The following PLPBP variants were observed in gnomAD, a reference collection of about 807,000 sequenced individuals.
PLPBP encodes the protein pyridoxal phosphate binding protein.
A neutral mutation model predicts 31.2 loss-of-function variants in PLPBP; 21 were observed. The ratio of observed to expected loss-of-function variants is 0.67; its 90% CI spans 0.48 to 0.97. The LOEUF (loss-of-function observed/expected upper bound fraction) is 0.97. PLPBP is among the 50% of genes least tolerant of loss of function. PLPBP has a pLI of 0.00. For synonymous variants in PLPBP, 124 were observed against 135.6 expected (o/e 0.91, Z 0.59); for missense variants, 308 against 354.4 (o/e 0.87, Z 1.05).
At chr8:37,767,003 C>T (rs983129388) in intron 4 of PLPBP, among the ~76,000 whole-genome samples, 3 of 140,062 alleles carry the variant, frequency 2.1e-5, no homozygotes, top group Non-Finnish European at 3.0e-5. Context: ...TCCAAGATCA[C>T]GCCACTGCAC....
At chr8:37,772,603 C>A in intron 4 of PLPBP, 152 bp from the exon 5 acceptor site, 1 of 899,884 alleles carries the variant, frequency 1.1e-6, no homozygotes, top group Non-Finnish European at 1.7e-6. Context: ...TCTAGTAAAA[C>A]TGTCACATTT....
At chr8:37,774,782 G>A (rs189722289) in intron 5 of PLPBP, among the ~76,000 whole-genome samples, 1 of 152,220 alleles carries the variant, frequency 6.6e-6, no homozygotes, top group East Asian at 1.9e-4. Flanking sequence ...TAGTATCTCC[G>A]CCTAATAAAT....
At chr8:37,766,725 A>C in intron 4 of PLPBP, 1 of 806,642 alleles carries the variant, frequency 1.2e-6, no homozygotes, top group Non-Finnish European at 1.5e-6. Context: ...CAGTAAAGTA[A>C]GTATAGTAAA....
chr8:37,762,579 C>A (rs570158784), upstream of PLPBP: 26 of 1,509,266 alleles, frequency 1.7e-5, no homozygotes, highest in Non-Finnish European at 2.2e-5. Context: ...TTGGTTCACA[C>A]GGCGCAAGCT....
At chr8:37,773,827 AT>A (rs1803838218) in intron 5 of PLPBP, among the ~76,000 whole-genome samples, 2 of 152,082 alleles carry the variant, frequency 1.3e-5, no homozygotes, top group East Asian at 1.9e-4. Context: ...TACAAGGAGT[AT>A]TTTAAATTTT....
At chr8:37,777,860 C>CA (rs1175403365) in intron 7 of PLPBP, 113 bp from the exon 8 acceptor site, 2 of 1,270,554 alleles carry the variant, frequency 1.6e-6, no homozygotes, top group Non-Finnish European at 2.2e-6. Flanking sequence ...CGTGAGCCAC[C>CA]ACGCCCCGTC....
intron 7 of PLPBP, among the ~76,000 whole-genome samples, chr8:37,777,639 CCTCTGCTCA>C (rs2129818346): frequency 6.6e-6 from 1 of 152,126 alleles, no homozygotes; most frequent in Non-Finnish European, 1.5e-5. Flanking sequence ...AATGGCGCAA[CCTCTGCTCA>C]CCGCAACCTC....
intron 7 of PLPBP, among the ~76,000 whole-genome samples, chr8:37,777,107 T>A (rs1803933331): frequency 6.6e-6 from 1 of 151,964 alleles, no homozygotes; most frequent in African/African-American, 2.4e-5. Context: ...CAATCTTATA[T>A]GTACATCAAC....
rs1803971206 is a variant in PLPBP at position 37,778,261 on chromosome 8, G to A, written c.*157G>A. 1 of 905,106 alleles carries A rather than the reference G, an allele frequency of 1.1e-6. No homozygotes were observed. The highest frequency in any genetic ancestry group is 1.6e-6 in the Non-Finnish European group (1 of 639,648). The allele number at this position is 905,106 out of a possible 1,614,324, so 56.1% of individuals were successfully genotyped here. A position where few individuals can be genotyped will look rare whatever the true frequency, so the allele number is the denominator to read the frequency against. On this transcript the variant is annotated 3_prime_UTR_variant, in exon 8 of 8. Coordinates refer to ENST00000328195, the MANE Select transcript of PLPBP (RefSeq NM_007198.4). The stretch of plus-strand genomic sequence containing the variant: ...CATCTGTGCTTAGTCTCTGACATAG[G>A]AAGCTTGCTTCAGGCAATGGCTTTG...
intron 4 of PLPBP, among the ~76,000 whole-genome samples, chr8:37,767,046 C>CAAAAAAAAAA (rs377103424): frequency 1.7e-5 from 1 of 57,148 alleles, no homozygotes; most frequent in African/African-American, 7.0e-5. Context: ...GACTTCATCC[C>CAAAAAAAAAA]AAAAAAAAAA....
At chr8:37,776,122 G>C (rs1352638437) in intron 7 of PLPBP, 106 bp downstream of exon 7, 1 of 1,053,090 alleles carries the variant, frequency 9.5e-7, no homozygotes, top group Non-Finnish European at 1.4e-6. Context: ...GAAATGCCTT[G>C]GGATGGCAGT....
chr8:37,773,964 A>T (rs1352217724), intron 5 of PLPBP, among the ~76,000 whole-genome samples: 1 of 152,138 alleles, frequency 6.6e-6, no homozygotes, highest in Non-Finnish European at 1.5e-5. Flanking sequence ...TAATCCCAGC[A>T]CTTGGGAAGG....
rs34779193 is a variant in PLPBP at position 37,774,210 on chromosome 8, C to CA, written c.455-1120dup. The stretch of plus-strand genomic sequence containing the variant: ...TGGGCGACAGAGTTAGACTCCATCT[C>CA]AAAAAAAAATAAATAAATAAAAAAT... On this transcript the variant is annotated intron_variant, in intron 5 of 7. Transcript: ENST00000328195. 5.4e-4 allele frequency among the ~76,000 whole-genome samples: 81 copies of CA among 150,058 alleles called. 1 individual carries two copies. Among genetic ancestry groups the CA allele is most frequent in the African/African-American group, 9.1e-4 (37 of 40,814 alleles).
intron 7 of PLPBP, 52 bp from the exon 8 acceptor site, chr8:37,777,921 C>G (rs937015438): frequency 4.0e-5 from 63 of 1,563,850 alleles, no homozygotes; most frequent in East Asian, 7.0e-5. Flanking sequence ...AGCACTGGCT[C>G]CATTTTATTA....
chr8:37,771,040 G>A (rs1803757479), intron 4 of PLPBP, among the ~76,000 whole-genome samples: 1 of 152,174 alleles, frequency 6.6e-6, no homozygotes. Flanking sequence ...TTTCCATAAA[G>A]GCTTCTTGAG....
chr8:37,771,370 C>T (rs1803763324), intron 4 of PLPBP, among the ~76,000 whole-genome samples: 3 of 152,002 alleles, frequency 2.0e-5, no homozygotes, highest in Admixed American at 2.0e-4. Flanking sequence ...AAACTCCTGG[C>T]CTCAAGTGAT....
Position 37,778,217 on chromosome 8 carries a change from C to A in PLPBP, c.*113C>A. 1.5e-6 allele frequency: 2 copies of A among 1,322,450 alleles called. No individual in the cohort carries two copies. The highest frequency in any genetic ancestry group is 2.1e-6 in the Non-Finnish European group (2 of 972,022). 81.9% of individuals were successfully genotyped at this position (1,322,450 alleles called of 1,614,324 possible). ...GTGACCTGTGGAGAGCACTAATGAT[C>A]ACGTGTGTTGATGGAAACCATCTGT... is the stretch of plus-strand genomic sequence containing the variant. On this transcript the variant is annotated 3_prime_UTR_variant, in exon 8 of 8. Transcript: ENST00000328195.
intron 1 of PLPBP, among the ~76,000 whole-genome samples, chr8:37,764,180 G>T (rs1355966114): frequency 2.6e-5 from 4 of 151,120 alleles, no homozygotes; most frequent in African/African-American, 9.7e-5. Flanking sequence ...TTGGCTCACC[G>T]CAACCTCCAC....
chr8:37,773,875 A>G (rs1371450969), intron 5 of PLPBP, among the ~76,000 whole-genome samples: 1 of 152,162 alleles, frequency 6.6e-6, no homozygotes, highest in African/African-American at 2.4e-5. Flanking sequence ...TTAGATCTTA[A>G]AAAAATTACT....
Sources: gnomAD v4.1 joint callset for allele counts (sites outside exome capture counted in the v4.1 genomes callset) on GRCh38, gnomAD v4.1.1 for gene constraint, MANE v1.5 for transcripts, NCBI Gene and HGNC (gene_info 2026-07-23, HGNC 2026-07-21) for gene names.